The following CAND1 variants were observed in gnomAD, a reference collection of about 807,000 sequenced individuals.
The protein encoded by CAND1 is cullin associated and neddylation dissociated 1.
CAND1 carries 7 observed loss-of-function variants against 108.5 expected under a neutral mutation model. The observed-to-expected ratio is 0.06, with a 90% CI of 0.04 to 0.12. The LOEUF (loss-of-function observed/expected upper bound fraction) is 0.12. CAND1 is among the 10% of genes least tolerant of loss of function. CAND1 has a pLI of 1.00. For synonymous variants in CAND1, 534 were observed against 512.0 expected (o/e 1.04, Z -0.58); for missense variants, 941 against 1,448.7 (o/e 0.65, Z 5.69).
chr12:67,305,329 A>C lies in CAND1; in HGVS notation c.1661A>C (p.Asp554Ala), dbSNP rs1466568257. 6.2e-7 allele frequency: 1 copy of C among 1,614,172 alleles called. No homozygotes were observed. Among genetic ancestry groups the C allele is most frequent in the African/African-American group, 1.3e-5 (1 of 75,042 alleles). The change falls in exon 10 of 15, where the codon GAT becomes GCT. Residue 554 changes from aspartate to alanine, a missense_variant. Asp to Ala is a moderately radical substitution (Grantham distance 126, BLOSUM62 -2). Transcript: ENST00000545606. The surrounding 1 kb of genome is among the most constrained non-coding windows in gnomAD (Gnocchi z 4.4). ...QQLVKVIRPL[D>A]QPSSFDATPY... ...CTTGTCAAAGTAATTCGTCCTTTAG[A>C]TCAGCCTTCCTCGTTTGATGCAACT...
chr12:67,312,799 C>G lies in CAND1; in HGVS notation c.3662C>G (p.Ser1221Cys), dbSNP rs780920956. The G allele has an allele frequency of 1.2e-6, 2 of 1,612,846 alleles. No individual in the cohort carries two copies. Among genetic ancestry groups the G allele is most frequent in the East Asian group, 2.2e-5 (1 of 44,874 alleles). Residue 1221 changes from serine (S) to cysteine (C), a missense_variant, in exon 15 of 15, where the codon TCT becomes TGT. Transcript: ENST00000545606. ...IFESIQKDSS[S>C]TNLESMDTS ...GAAAGTATCCAGAAAGATTCATCAT[C>G]TACTAACTTGGAATCAATGGACACT...
In CAND1 at chr12:67,319,766, CCTT is replaced by C. The variant is rs1393628035; in HGVS notation, c.*6937_*6939del. On this transcript the variant is annotated 3_prime_UTR_variant, in exon 15 of 15. Coordinates refer to ENST00000545606, the MANE Select transcript of CAND1 (RefSeq NM_018448.5). ...CTTGTCTGGACTAAAAGTAACCCCTCCTTGTCTGGTTTGTGACTTTCTGTACTC... is the reference window on the plus strand; with the variant it reads ...CTTGTCTGGACTAAAAGTAACCCCTCGTCTGGTTTGTGACTTTCTGTACTC... 1 of 152,188 alleles carries C rather than the reference CCTT, an allele frequency of 6.6e-6. No individual in the cohort carries two copies. The highest frequency in any genetic ancestry group is 2.4e-5 in the African/African-American group (1 of 41,430). The allele number at this position is 152,188 out of a possible 1,614,324, so 9.4% of individuals were successfully genotyped here.
chr12:67,292,466 A>C lies in CAND1; in HGVS notation c.213-156A>C, dbSNP rs185066004. ...AACTGCAAAAATCTTAACCAATCAC[A>C]ATTTTTTATGTCATTTGTATACTAT... is the stretch of plus-strand genomic sequence containing the variant. On this transcript the variant is annotated intron_variant, in intron 2 of 14. Transcript: ENST00000545606. Among the ~76,000 whole-genome samples the C allele has an allele frequency of 5.3e-3, 802 of 152,230 alleles. 9 individuals carry two copies. Among genetic ancestry groups the C allele is most frequent in the African/African-American group, 0.019 (772 of 41,536 alleles).
Position 67,310,394 on chromosome 12 carries a change from CAT to C in CAND1, c.3360+79_3360+80del, listed in dbSNP as rs2044936460. ...GCAACTTTCACCCTTGTAATTTACT[CAT>C]GTGTCTGAGAAAAATCAGGTTGTCT... On this transcript the variant is annotated intron_variant, in intron 13 of 14. Transcript: ENST00000545606. The C allele has an allele frequency of 5.7e-6, 6 of 1,047,054 alleles. 1 individual carries two copies. Among genetic ancestry groups the C allele is most frequent in the South Asian group, 5.0e-5 (3 of 60,494 alleles). 64.9% of individuals were successfully genotyped at this position (1,047,054 alleles called of 1,614,324 possible).
rs372317705 is a variant in CAND1, at chr12:67,305,936, A to C, written c.2268A>C (p.Leu756=). ...AGGGGGGAGCTCTTAGTGCCATGCT[A>C]GACTTTTTCCAAGCTCTGGTTGTCA... is the stretch of plus-strand genomic sequence containing the variant. The part of the protein sequence containing the change: ...LLQGGALSAM[L]DFFQALVVTG... The change falls in exon 10 of 15, where the codon CTA becomes CTC. Residue 756 remains leucine, a synonymous_variant. Coordinates refer to ENST00000545606, the MANE Select transcript of CAND1 (RefSeq NM_018448.5). This position sits in a 1 kb window ranked among gnomAD's most constrained non-coding sequence, Gnocchi z 4.4. The C allele has an allele frequency of 7.4e-6, 12 of 1,614,184 alleles. No individual in the cohort carries two copies. The highest frequency in any genetic ancestry group is 9.3e-6 in the Non-Finnish European group (11 of 1,180,016).
In CAND1 at chr12:67,313,817, G is replaced by A. The variant is rs1265903838; in HGVS notation, c.*987G>A. 1 of 152,466 alleles carries A rather than the reference G, an allele frequency of 6.6e-6. No individual in the cohort carries two copies. The highest frequency in any genetic ancestry group is 1.5e-5 in the Non-Finnish European group (1 of 67,984). The allele number at this position is 152,466 out of a possible 1,614,324, so 9.4% of individuals were successfully genotyped here. A position where few individuals can be genotyped will look rare whatever the true frequency, so the allele number is the denominator to read the frequency against. On this transcript the variant is annotated 3_prime_UTR_variant, in exon 15 of 15. Coordinates refer to ENST00000545606, the MANE Select transcript of CAND1 (RefSeq NM_018448.5). Reference sequence around the variant, plus strand: ...ATCAAAGGATATAAATACTGTGTATGCTTTTGAATTTTATTTTTAGGAAAA... The same window carrying A: ...ATCAAAGGATATAAATACTGTGTATACTTTTGAATTTTATTTTTAGGAAAA...
At chr12:67,276,207 G>C (rs1296335074) in intron 1 of CAND1, among the ~76,000 whole-genome samples, 1 of 152,116 alleles carries the variant, frequency 6.6e-6, no homozygotes, top group Non-Finnish European at 1.5e-5. Flanking sequence ...ATAAACTCCA[G>C]ATTTCTTAGC....
At chr12:67,289,395 T>C (rs1486151153) in intron 2 of CAND1, among the ~76,000 whole-genome samples, 1 of 151,830 alleles carries the variant, frequency 6.6e-6, no homozygotes, top group Non-Finnish European at 1.5e-5. Flanking sequence ...AATAATAACA[T>C]TCTCTTTTTT....
At chr12:67,293,748 C>G (rs553548287) in intron 3 of CAND1, among the ~76,000 whole-genome samples, 1 of 151,100 alleles carries the variant, frequency 6.6e-6, no homozygotes, top group Non-Finnish European at 1.5e-5. Context: ...AGTGAAACTC[C>G]GTGTCAAAAA....
intron 7 of CAND1, among the ~76,000 whole-genome samples, chr12:67,301,277 G>A (rs1246987547): frequency 6.6e-6 from 1 of 152,000 alleles, no homozygotes; most frequent in East Asian, 1.9e-4. Flanking sequence ...TTATTTTGTT[G>A]TATACTGTAG....
At chr12:67,311,883 A>G in intron 14 of CAND1, 83 bp downstream of exon 14, 2 of 802,454 alleles carry the variant, frequency 2.5e-6, no homozygotes, top group Admixed American at 3.6e-5. Context: ...CTTTCCAAAT[A>G]TAACTATTCC....
chr12:67,297,988 A>G (rs1417777853), intron 6 of CAND1, 135 bp downstream of exon 6: 1 of 463,706 alleles, frequency 2.2e-6, no homozygotes, highest in Non-Finnish European at 3.8e-6. Flanking sequence ...TTTGAAACTA[A>G]TGTCATCTTG....
chr12:67,277,151 G>T (rs2044577304), intron 1 of CAND1, among the ~76,000 whole-genome samples: 1 of 152,084 alleles, frequency 6.6e-6, no homozygotes, highest in African/African-American at 2.4e-5. Flanking sequence ...CCATTTTGAA[G>T]AACTATTAAT....
At chr12:67,309,867 A>G (rs1475380202) in intron 11 of CAND1, 34 bp from the exon 12 acceptor site, 2 of 1,467,414 alleles carry the variant, frequency 1.4e-6, no homozygotes, top group East Asian at 2.3e-5. Context: ...TAAGTTTATC[A>G]TGTCTGTCTG....
Position 67,310,005 on chromosome 12 carries a change from C to T in CAND1, c.3130C>T (p.Leu1044=), listed in dbSNP as rs1481984390. 6.2e-7 allele frequency: 1 copy of T among 1,611,628 alleles called. No individual in the cohort carries two copies. The highest frequency in any genetic ancestry group is 8.5e-7 in the Non-Finnish European group (1 of 1,178,150). Residue 1044 remains leucine (L), a synonymous_variant, in exon 12 of 15, where the codon CTA becomes TTA. Transcript: ENST00000545606. ...TAACAAGCCATCATTAATAAGGGAT[C>T]TATTGGATACTGTTCTTCCACATCT... ...AHNKPSLIRD[L]LDTVLPHLYN...
At position 67,292,665 on chromosome 12, in the gene CAND1, A is replaced by G. The variant is rs1218716660; in HGVS notation, c.256A>G (p.Thr86Ala). ...TAAAGTGAAAGAATACCAAGTAGAG[A>G]CAATTGTAGATACCCTCTGCACTAA... ...VSKVKEYQVE[T>A]IVDTLCTNML... The change falls in exon 3 of 15, where the codon ACA (threonine) becomes GCA (alanine). Residue 86 changes from threonine to alanine, a missense_variant. By Grantham distance (58) the Thr-to-Ala change is moderately conservative. This residue lies in a region of CAND1 where 44 missense variants were observed against 129.1 expected (regional missense o/e 0.34). Transcript: ENST00000545606. 1 of 1,612,532 alleles carries G rather than the reference A, an allele frequency of 6.2e-7. No homozygotes were observed. The highest frequency in any genetic ancestry group is 1.3e-5 in the African/African-American group (1 of 74,962).
chr12:67,299,130 GT>G, intron 7 of CAND1, 35 bp downstream of exon 7: 1 of 1,487,038 alleles, frequency 6.7e-7, no homozygotes. Context: ...TTGAGTTTTT[GT>G]GAAAGACACT....
intron 3 of CAND1, among the ~76,000 whole-genome samples, chr12:67,293,622 G>A (rs2044741625): frequency 6.6e-6 from 1 of 152,088 alleles, no homozygotes; most frequent in Admixed American, 6.6e-5. Flanking sequence ...GCGTGGTGGT[G>A]CATGCCTGTA....
At chr12:67,303,765 T>C (rs1448702552) in intron 8 of CAND1, among the ~76,000 whole-genome samples, 2 of 152,180 alleles carry the variant, frequency 1.3e-5, no homozygotes, top group Non-Finnish European at 2.9e-5. Context: ...TTAGAGCAGA[T>C]GTCTTTTAAT....
Sources: gnomAD v4.1 joint callset for allele counts (sites outside exome capture counted in the v4.1 genomes callset) on GRCh38, gnomAD v4.1.1 for gene constraint, gnomAD v4.1.1 regional missense constraint, Gnocchi (gnomAD v3.1) non-coding constraint, MANE v1.5 for transcripts, NCBI Gene and HGNC (gene_info 2026-07-23, HGNC 2026-07-21) for gene names.